Variants in FMO1 observed in about 807,000 individuals in gnomAD.
The protein encoded by FMO1 is flavin-containing monooxygenase 1.
In FMO1, 36 loss-of-function variants were observed where a neutral mutation model predicts 45.4. The ratio of observed to expected loss-of-function variants is 0.79; its 90% CI spans 0.61 to 1.05. The LOEUF (loss-of-function observed/expected upper bound fraction) is 1.05, where lower values mean the gene tolerates loss of function less well. Ranked by LOEUF, FMO1 falls within the 50% of genes least tolerant of loss-of-function variation. The pLI, the probability that FMO1 is intolerant of heterozygous loss-of-function variation, is 0.00. For synonymous variants in FMO1, 228 were observed against 227.2 expected (o/e 1.00, Z -0.03); for missense variants, 615 against 640.3 (o/e 0.96, Z 0.43).
At chr1:171,249,182 G>T (rs1165528875) in intron 1 of FMO1, among the ~76,000 whole-genome samples, 1 of 151,950 alleles carries the variant, frequency 6.6e-6, no homozygotes, top group African/African-American at 2.4e-5. Context: ...AAAATTTATT[G>T]ATTTCCATGT....
chr1:171,256,982 G>C (rs1156407455), intron 1 of FMO1, among the ~76,000 whole-genome samples: 1 of 152,130 alleles, frequency 6.6e-6, no homozygotes, highest in Admixed American at 6.5e-5. Context: ...AAGAACAGAG[G>C]CTCATTGATG....
intron 3 of FMO1, among the ~76,000 whole-genome samples, chr1:171,274,576 T>C (rs1319075140): frequency 6.6e-6 from 1 of 152,160 alleles, no homozygotes; most frequent in Admixed American, 6.5e-5. Context: ...ACTACAAATG[T>C]AGAAACACAA....
chr1:171,263,222 T>C (rs929850454), intron 2 of FMO1, among the ~76,000 whole-genome samples: 2 of 152,186 alleles, frequency 1.3e-5, no homozygotes, highest in Admixed American at 6.5e-5. Flanking sequence ...GTTCCATTAG[T>C]ACCATTAGCA....
At chr1:171,272,661 A>C (rs1660915444) in intron 3 of FMO1, among the ~76,000 whole-genome samples, 1 of 152,204 alleles carries the variant, frequency 6.6e-6, no homozygotes, top group Non-Finnish European at 1.5e-5. Flanking sequence ...TTGGAGCTTT[A>C]AGATTTGACT....
chr1:171,263,565 A>G (rs936971768), intron 2 of FMO1, among the ~76,000 whole-genome samples: 7 of 152,172 alleles, frequency 4.6e-5, no homozygotes, highest in Admixed American at 4.6e-4. Context: ...ACCAAAGTGG[A>G]CCAGAAGGAC....
chr1:171,265,252 G>A (rs949952790), intron 2 of FMO1, among the ~76,000 whole-genome samples: 2 of 151,944 alleles, frequency 1.3e-5, no homozygotes. Context: ...TTAGCCAAGC[G>A]TGGTGGCGGG....
chr1:171,250,106 T>A (rs1289278957), intron 1 of FMO1, among the ~76,000 whole-genome samples: 1 of 152,202 alleles, frequency 6.6e-6, no homozygotes, highest in African/African-American at 2.4e-5. Flanking sequence ...TTTGAACAAG[T>A]AATATACAAA....
chr1:171,263,539 C>T (rs1402441802), intron 2 of FMO1, among the ~76,000 whole-genome samples: 2 of 152,192 alleles, frequency 1.3e-5, no homozygotes, highest in East Asian at 1.9e-4. Flanking sequence ...TGGTGACCTC[C>T]CAACTGTGCT....
intron 3 of FMO1, among the ~76,000 whole-genome samples, chr1:171,275,041 G>C (rs770832706): frequency 2.0e-5 from 3 of 152,148 alleles, no homozygotes; most frequent in Non-Finnish European, 4.4e-5. Context: ...TAACAGAAAG[G>C]ATAATGAAAA....
chr1:171,256,959 C>T (rs1558004301), intron 1 of FMO1, among the ~76,000 whole-genome samples: 1 of 152,110 alleles, frequency 6.6e-6, no homozygotes, highest in East Asian at 1.9e-4. Flanking sequence ...ACCAGAAATG[C>T]TATAGGAATT....
intron 3 of FMO1, among the ~76,000 whole-genome samples, chr1:171,268,403 A>G (rs1244296509): frequency 1.3e-5 from 2 of 152,162 alleles, no homozygotes; most frequent in East Asian, 1.9e-4. Flanking sequence ...CTTCTTGACT[A>G]TTCTTTTATA....
intron 2 of FMO1, among the ~76,000 whole-genome samples, chr1:171,264,945 G>T (rs1024199049): frequency 2.0e-5 from 3 of 151,736 alleles, no homozygotes; most frequent in Non-Finnish European, 4.4e-5. Context: ...GGCTCACCCT[G>T]ACTTACAGAG....
intron 3 of FMO1, chr1:171,271,531 C>CA (rs1265482967): frequency 3.6e-6 from 3 of 839,984 alleles, no homozygotes; most frequent in African/African-American, 1.7e-5. Context: ...CAAGTTTGCA[C>CA]AAAAAATGCA....
intron 1 of FMO1, among the ~76,000 whole-genome samples, chr1:171,255,325 G>A (rs1660102513): frequency 6.6e-6 from 1 of 152,160 alleles, no homozygotes; most frequent in Non-Finnish European, 1.5e-5. Flanking sequence ...AAAGGCAAAT[G>A]TTTACATTAC....
chr1:171,258,676 G>A (rs1337305287), intron 2 of FMO1, among the ~76,000 whole-genome samples: 3 of 152,224 alleles, frequency 2.0e-5, no homozygotes, highest in Non-Finnish European at 4.4e-5. Flanking sequence ...AGGGCTCTGT[G>A]TAGGATGAGC....
chr1:171,261,153 G>A (rs2101804457), intron 2 of FMO1, among the ~76,000 whole-genome samples: 1 of 152,202 alleles, frequency 6.6e-6, no homozygotes, highest in African/African-American at 2.4e-5. Flanking sequence ...GCCTTCTCTT[G>A]ACACTGCAGC....
At position 171,285,782 on chromosome 1, in the gene FMO1, A is replaced by G. The variant is rs1056498778; in HGVS notation, c.*238A>G. The G allele has an allele frequency of 2.9e-6, 1 of 344,150 alleles. No individual in the cohort carries two copies. The highest frequency in any genetic ancestry group is 4.7e-5 in the Admixed American group (1 of 21,374). 21.3% of individuals were successfully genotyped at this position (344,150 alleles called of 1,614,324 possible). The stretch of plus-strand genomic sequence containing the variant: ...TGCATTTGAAGGTTGTTGGAAAGTT[A>G]CAGGTTCATTTTAGAAAGAAAGCTG... On this transcript the variant is annotated 3_prime_UTR_variant, in exon 9 of 9. Coordinates refer to ENST00000617670, the MANE Select transcript of FMO1 (RefSeq NM_001282693.2).
At chr1:171,258,052 T>TA in intron 1 of FMO1, 30 bp from the exon 2 acceptor site, 3 of 1,613,314 alleles carry the variant, frequency 1.9e-6, no homozygotes, top group South Asian at 1.1e-5. Context: ...AGCTTGTGAA[T>TA]AAAAAGCCTG....
chr1:171,259,961 A>G (rs1204269259), intron 2 of FMO1, among the ~76,000 whole-genome samples: 3 of 152,224 alleles, frequency 2.0e-5, no homozygotes, highest in African/African-American at 7.2e-5. Context: ...TGAGCATTTC[A>G]TTGAGAGCAG....
Sources: gnomAD v4.1 joint callset for allele counts (sites outside exome capture counted in the v4.1 genomes callset) on GRCh38, gnomAD v4.1.1 for gene constraint, MANE v1.5 for transcripts, NCBI Gene and HGNC (gene_info 2026-07-23, HGNC 2026-07-21) for gene names.